Variants in MYBPC1 observed in about 807,000 individuals in gnomAD.
MYBPC1 encodes the protein myosin binding protein C1.
MYBPC1 carries 52 observed loss-of-function variants against 147.1 expected under a neutral mutation model. The observed-to-expected ratio is 0.35, with a 90% confidence interval of 0.28 to 0.45. The LOEUF is 0.45. Ranked by LOEUF, MYBPC1 falls within the 20% of genes least tolerant of loss-of-function variation. The probability of loss-of-function intolerance (pLI) is 1.00; values close to 1 mark genes in which losing one functional copy is unlikely to be tolerated. For synonymous variants in MYBPC1, 477 were observed against 475.9 expected (o/e 1.00, Z -0.03); for missense variants, 1,228 against 1,440.3 (o/e 0.85, Z 2.39).
In MYBPC1 at chr12:101,651,213, G is replaced by C. The variant is rs1013895743; in HGVS notation, c.1364-18G>C. ...GGAGTTTGGGCTTGGCATTTGTGATGGTCTATCATTTCTACAGTGAAACCT... is the reference window on the plus strand; with the variant it reads ...GGAGTTTGGGCTTGGCATTTGTGATCGTCTATCATTTCTACAGTGAAACCT... On this transcript the variant is annotated intron_variant, in intron 15 of 31. Coordinates refer to ENST00000361466, the MANE Select transcript of MYBPC1 (RefSeq NM_002465.4). The C allele has an allele frequency of 1.2e-6, 2 of 1,613,748 alleles. No homozygotes were observed. The highest frequency in any genetic ancestry group is 2.7e-5 in the African/African-American group (2 of 74,880).
intron 24 of MYBPC1, among the ~76,000 whole-genome samples, chr12:101,671,747 G>A (rs886895447): frequency 1.3e-5 from 2 of 152,160 alleles, no homozygotes; most frequent in Non-Finnish European, 2.9e-5. Flanking sequence ...GGGGGTCTGC[G>A]TGTTCAGCTT....
Position 101,629,488 on chromosome 12 carries a change from A to G in MYBPC1, c.233A>G (p.Asn78Ser), listed in dbSNP as rs1889375188. The change falls in exon 6 of 32, where the codon AAC becomes AGC. Residue 78 changes from asparagine (N) to serine (S), a missense_variant. Transcript: ENST00000361466. ...PGEEQAKQNA[N>S]SQLSILFIEK... is the part of the protein sequence containing the mutation. ...GAGGAACAAGCCAAGCAGAATGCCA[A>G]CTCCCAGCTGTCCATCTTGTTCATT... 1.9e-6 allele frequency: 3 copies of G among 1,613,952 alleles called. No individual in the cohort carries two copies. The highest frequency in any genetic ancestry group is 1.1e-5 in the South Asian group (1 of 91,064).
chr12:101,628,901 T>A (rs1889228985), intron 5 of MYBPC1: 1 of 179,630 alleles, frequency 5.6e-6, no homozygotes, highest in Admixed American at 5.4e-5. Flanking sequence ...TATGGCCACA[T>A]CTGTACAACC....
chr12:101,596,165 T>A (rs1053148371), intron 1 of MYBPC1, among the ~76,000 whole-genome samples: 2 of 152,342 alleles, frequency 1.3e-5, no homozygotes, highest in African/African-American at 4.8e-5. Flanking sequence ...GTTGAAATAC[T>A]AACCAAATTA....
At chr12:101,669,540 T>C (rs1323832050) in intron 23 of MYBPC1, among the ~76,000 whole-genome samples, 1 of 152,192 alleles carries the variant, frequency 6.6e-6, no homozygotes, top group Non-Finnish European at 1.5e-5. Context: ...TGCTAACATT[T>C]TGTTTTTTTC....
chr12:101,688,445 G>T (rs943241057), downstream of MYBPC1, among the ~76,000 whole-genome samples: 10 of 151,884 alleles, frequency 6.6e-5, no homozygotes, highest in Non-Finnish European at 1.5e-4. Context: ...TAAGGTTCAC[G>T]TTTCTTTATT....
chr12:101,641,328 A>G (rs940256919), intron 10 of MYBPC1, among the ~76,000 whole-genome samples: 2 of 152,212 alleles, frequency 1.3e-5, no homozygotes, highest in Admixed American at 6.5e-5. Flanking sequence ...TGATAAAAAT[A>G]GTCATGTAAA....
chr12:101,652,560 C>CT, intron 16 of MYBPC1, 118 bp from the exon 17 acceptor site: 1 of 725,810 alleles, frequency 1.4e-6, no homozygotes, highest in South Asian at 1.5e-5. Context: ...CTCTCTCTCT[C>CT]CCTCTCTTTC....
At chr12:101,657,916 G>T (rs1593945018) in intron 18 of MYBPC1, among the ~76,000 whole-genome samples, 1 of 152,172 alleles carries the variant, frequency 6.6e-6, no homozygotes, top group Admixed American at 6.5e-5. Flanking sequence ...TAGCCACGAG[G>T]TCAGGAGATC....
chr12:101,635,188 G>A (rs946752188), intron 9 of MYBPC1, among the ~76,000 whole-genome samples: 2 of 151,988 alleles, frequency 1.3e-5, no homozygotes, highest in African/African-American at 4.8e-5. Flanking sequence ...GAAAAATGGA[G>A]GGGGGGCGGT....
chr12:101,661,099 C>A, intron 19 of MYBPC1, 59 bp from the exon 20 acceptor site: 1 of 1,103,862 alleles, frequency 9.1e-7, no homozygotes, highest in Non-Finnish European at 1.4e-6. Flanking sequence ...TTCCTATTAA[C>A]TTTTTTTTTC....
chr12:101,649,695 AG>A (rs1020505816), intron 15 of MYBPC1, among the ~76,000 whole-genome samples: 1 of 152,230 alleles, frequency 6.6e-6, no homozygotes, highest in African/African-American at 2.4e-5. Context: ...CCGTAAAAAT[AG>A]GGGATAAATA....
intron 27 of MYBPC1, 99 bp from the exon 28 acceptor site, chr12:101,678,003 G>T: frequency 7.0e-7 from 1 of 1,420,918 alleles, no homozygotes; most frequent in African/African-American, 1.4e-5. Context: ...GTTTTTCTAA[G>T]TTCAGGGAAG....
the MYBPC1 span, among the ~76,000 whole-genome samples, chr12:101,692,901 A>T: frequency 6.6e-6 from 1 of 151,914 alleles, no homozygotes; most frequent in Non-Finnish European, 1.5e-5. Flanking sequence ...ATCAATTTAG[A>T]GCATGATGAG....
At chr12:101,608,728 T>G (rs766923473) in intron 1 of MYBPC1, among the ~76,000 whole-genome samples, 34 of 152,194 alleles carry the variant, frequency 2.2e-4, no homozygotes, top group Non-Finnish European at 3.2e-4. Context: ...AGCGGGGGAT[T>G]CCTTAGAAAG....
intron 19 of MYBPC1, among the ~76,000 whole-genome samples, chr12:101,660,813 G>GAT (rs1315983281): frequency 6.6e-6 from 1 of 152,152 alleles, no homozygotes; most frequent in Non-Finnish European, 1.5e-5. Flanking sequence ...ACAAGAGAGA[G>GAT]AGAATGAGAA....
At chr12:101,628,021 C>A (rs1889024288) in intron 5 of MYBPC1, 1 of 539,126 alleles carries the variant, frequency 1.9e-6, no homozygotes, top group Middle Eastern at 5.1e-4. Context: ...GCCAAAAATA[C>A]CACAGGTTTG....
At chr12:101,661,896 C>CAAAAAAAAAAAAAAAAAAAAA (rs66873575) in intron 20 of MYBPC1, among the ~76,000 whole-genome samples, 1 of 83,214 alleles carries the variant, frequency 1.2e-5, no homozygotes, top group Non-Finnish European at 2.3e-5. Context: ...GACTCTGTCT[C>CAAAAAAAAAAAAAAAAAAAAA]AAAAAAAAAA....
chr12:101,642,032 A>G (rs1003667057), intron 10 of MYBPC1, among the ~76,000 whole-genome samples: 2 of 152,206 alleles, frequency 1.3e-5, no homozygotes, highest in African/African-American at 4.8e-5. Flanking sequence ...GTTCTAGTCC[A>G]ATTTTCAATA....
Sources: allele counts gnomAD v4.1 joint callset (sites outside exome capture counted in the v4.1 genomes callset), GRCh38; gene constraint gnomAD v4.1.1; transcripts MANE v1.5; gene names NCBI Gene and HGNC (gene_info 2026-07-23, HGNC 2026-07-21).